The following MPPED1 variants were observed in gnomAD, a reference collection of about 807,000 sequenced individuals.
MPPED1 encodes metallophosphoesterase domain containing 1.
Under a neutral mutation model 36.2 loss-of-function variants are expected in MPPED1, and 16 were observed. The ratio of observed to expected loss-of-function variants is 0.44; its 90% CI spans 0.30 to 0.67. MPPED1 has a LOEUF of 0.67. Ranked by LOEUF, MPPED1 falls within the 30% of genes least tolerant of loss-of-function variation. MPPED1 has a pLI of 0.10. For synonymous variants in MPPED1, 199 were observed against 191.3 expected, an observed-to-expected ratio of 1.04 and a Z score of -0.33; for missense variants, 307 against 453.4, an observed-to-expected ratio of 0.68 and a Z score of 2.93.
chr22:43,424,792 T>A, intron 1 of MPPED1, 116 bp from the exon 2 acceptor site: 2 of 1,347,618 alleles, frequency 1.5e-6, no homozygotes, highest in Non-Finnish European at 2.0e-6. Context: ...GCTGTACGAC[T>A]GTGTTTTTTT....
chr22:43,449,107 AG>A (rs1930466329), intron 3 of MPPED1, among the ~76,000 whole-genome samples: 2 of 152,200 alleles, frequency 1.3e-5, no homozygotes, highest in African/African-American at 2.4e-5. Flanking sequence ...GATGGGATAC[AG>A]GGATTTTTAC....
At chr22:43,414,548 A>C (rs1368563245) in intron 1 of MPPED1, among the ~76,000 whole-genome samples, 1 of 152,230 alleles carries the variant, frequency 6.6e-6, no homozygotes, top group Non-Finnish European at 1.5e-5. Flanking sequence ...AGAGGAAATT[A>C]ATCAGCCAGG....
chr22:43,491,808 ATGGTGGTGATG>A (rs1411743924), intron 4 of MPPED1, among the ~76,000 whole-genome samples: 89 of 112,900 alleles, frequency 7.9e-4, no homozygotes, highest in Admixed American at 1.4e-3. Context: ...GGTGGTGGTG[ATGGTGGTGATG>A]ATGGAGGTGG....
At chr22:43,438,252 C>T (rs565239272) in intron 3 of MPPED1, among the ~76,000 whole-genome samples, 69 of 152,226 alleles carry the variant, frequency 4.5e-4, no homozygotes, top group African/African-American at 1.6e-3. Flanking sequence ...TGGGTGGGCA[C>T]GGAAGGCCTC....
intron 3 of MPPED1, among the ~76,000 whole-genome samples, chr22:43,457,643 T>C (rs1430100869): frequency 6.6e-6 from 1 of 152,196 alleles, no homozygotes; most frequent in Non-Finnish European, 1.5e-5. Context: ...TAGTTCACTA[T>C]TTTAATTTCA....
At position 43,435,234 on chromosome 22, in the gene MPPED1, G is replaced by A. The variant is rs762737409; in HGVS notation, c.406+19G>A. 7 of 1,593,756 alleles carry A rather than the reference G, an allele frequency of 4.4e-6. No individual in the cohort carries two copies. The highest frequency in any genetic ancestry group is 3.3e-5 in the South Asian group (3 of 90,406). On this transcript the variant is annotated intron_variant, in intron 3 of 6. Coordinates refer to ENST00000443721, the MANE Select transcript of MPPED1 (RefSeq NM_001044370.2). ...TGGCTGGGTAGGTCCCTCCTGCCCC[G>A]GGCGGGCGGCTGTGCTGAGCAGGAA...
chr22:43,412,921 G>C (rs1928956092), intron 1 of MPPED1, among the ~76,000 whole-genome samples: 3 of 152,216 alleles, frequency 2.0e-5, no homozygotes, highest in Admixed American at 1.3e-4. Context: ...GTGTCATTCA[G>C]AGCACTGATG....
chr22:43,475,846 A>G (rs568376579), intron 4 of MPPED1, among the ~76,000 whole-genome samples: 158 of 145,972 alleles, frequency 1.1e-3, no homozygotes, highest in Middle Eastern at 3.7e-3. Flanking sequence ...GATGGTGATA[A>G]TGATGGTGAT....
At chr22:43,495,958 G>A (rs1437202621) in intron 4 of MPPED1, among the ~76,000 whole-genome samples, 7 of 143,442 alleles carry the variant, frequency 4.9e-5, no homozygotes, top group Admixed American at 1.4e-4. Flanking sequence ...TGGTGGAGGT[G>A]GTGGTGGTGG....
At chr22:43,479,086 C>G (rs1423216996) in intron 4 of MPPED1, among the ~76,000 whole-genome samples, 2 of 152,184 alleles carry the variant, frequency 1.3e-5, no homozygotes, top group Non-Finnish European at 2.9e-5. Context: ...TGTGCACCCC[C>G]TCCCCAGCTG....
At chr22:43,462,739 C>A (rs1460063706) in intron 3 of MPPED1, among the ~76,000 whole-genome samples, 1 of 152,174 alleles carries the variant, frequency 6.6e-6, no homozygotes, top group African/African-American at 2.4e-5. Flanking sequence ...GGCTTACCTC[C>A]TGGAGCCTCC....
At position 43,502,811 on chromosome 22, in the gene MPPED1, CT is replaced by C; in HGVS notation, c.862+55del. 6.9e-7 allele frequency: 1 copy of C among 1,450,528 alleles called. No individual in the cohort carries two copies. The highest frequency in any genetic ancestry group is 2.3e-5 in the East Asian group (1 of 44,174). The allele number at this position is 1,450,528 out of a possible 1,614,324, so 89.9% of individuals were successfully genotyped here. ...ACGGGCTAGGGGCTCCTAATGGACC[CT>C]CCAGCAGGACCTCCCCTTCGTTCAG... On this transcript the variant is annotated intron_variant, in intron 6 of 6. Coordinates refer to ENST00000443721, the MANE Select transcript of MPPED1 (RefSeq NM_001044370.2). The surrounding 1 kb of genome is among the most constrained non-coding windows in gnomAD (Gnocchi z 5.5).
chr22:43,480,917 G>C (rs1025736777), intron 4 of MPPED1, among the ~76,000 whole-genome samples: 2 of 150,618 alleles, frequency 1.3e-5, no homozygotes, highest in Non-Finnish European at 3.0e-5. Context: ...TCTGCCTCCT[G>C]GGTTTAAGTG....
intron 4 of MPPED1, among the ~76,000 whole-genome samples, chr22:43,476,269 G>A (rs1235659367): frequency 6.6e-6 from 1 of 152,128 alleles, no homozygotes; most frequent in Non-Finnish European, 1.5e-5. Context: ...GGCAGGGTGA[G>A]GTGGGCTTCA....
rs560847785 is a variant in MPPED1 at position 43,455,600 on chromosome 22, GCCA to G, written c.407-19135_407-19133del. ...TTTTTAGCCTATAACAGGTGAAACTGCCATCACTAGAGCTATTTTCTGTTTCCG... is the reference window on the plus strand; with the variant it reads ...TTTTTAGCCTATAACAGGTGAAACTGTCACTAGAGCTATTTTCTGTTTCCG... On this transcript the variant is annotated intron_variant, in intron 3 of 6. Coordinates refer to ENST00000443721, the MANE Select transcript of MPPED1 (RefSeq NM_001044370.2). Among the ~76,000 whole-genome samples, 228 of 152,286 alleles carry G rather than the reference GCCA, an allele frequency of 1.5e-3. 1 individual carries two copies. Among genetic ancestry groups the G allele is most frequent in the African/African-American group, 5.2e-3 (217 of 41,558 alleles).
chr22:43,423,596 A>G (rs142332460), intron 1 of MPPED1, among the ~76,000 whole-genome samples: 1 of 152,328 alleles, frequency 6.6e-6, no homozygotes, highest in African/African-American at 2.4e-5. Context: ...TAGGGAGATG[A>G]TCAAGATTTA....
chr22:43,494,694 A>AGTGGTGGTAGTGGTGGTGGTGGTG lies in MPPED1; in HGVS notation c.633-3533_633-3532insAGTGGTGGTGGTGGTGGTGGTGGT, dbSNP rs1555904083. On this transcript the variant is annotated intron_variant, in intron 4 of 6. Transcript: ENST00000443721. ...TTTTGGGGGACACAATTTGATTCAC[A>AGTGGTGGTAGTGGTGGTGGTGGTG]GTGGTGGTGGTGGTGGTGGTGGTGG... 7.3e-5 allele frequency among the ~76,000 whole-genome samples: 10 copies of AGTGGTGGTAGTGGTGGTGGTGGTG among 136,914 alleles called. No homozygotes were observed. The East Asian group carries it at 1.5e-3, about 21-fold the overall frequency. 89.8% of individuals were successfully genotyped at this position (136,914 alleles called of 152,430 possible).
chr22:43,447,962 T>C (rs543889730), intron 3 of MPPED1, among the ~76,000 whole-genome samples: 46 of 148,394 alleles, frequency 3.1e-4, no homozygotes, highest in Admixed American at 2.7e-3. Flanking sequence ...CACTACAACC[T>C]CTGCCTCCCG....
intron 1 of MPPED1, among the ~76,000 whole-genome samples, chr22:43,420,382 G>A (rs1374860132): frequency 1.4e-4 from 21 of 151,928 alleles, no homozygotes; most frequent in Non-Finnish European, 4.4e-5. Flanking sequence ...TCATTGGTGT[G>A]TGAGGTGATG....
Sources: gnomAD v4.1 joint callset for allele counts (sites outside exome capture counted in the v4.1 genomes callset) on GRCh38, gnomAD v4.1.1 for gene constraint, Gnocchi (gnomAD v3.1) non-coding constraint, MANE v1.5 for transcripts, NCBI Gene and HGNC (gene_info 2026-07-23, HGNC 2026-07-21) for gene names.